NR2F1-AS1: variants seen among roughly 807,000 people sequenced by gnomAD.
The protein encoded by NR2F1-AS1 is NR2F1 antisense RNA 1.
chr5:93,428,427 T>C (rs1197142148), intron 4 of NR2F1-AS1, among the ~76,000 whole-genome samples: 1 of 152,216 alleles, frequency 6.6e-6, no homozygotes, highest in Non-Finnish European at 1.5e-5. Flanking sequence ...CAGATGCTAA[T>C]TACAGTGCCA....
chr5:93,565,564 T>C (rs1162795174), intron 1 of NR2F1-AS1, among the ~76,000 whole-genome samples: 1 of 152,096 alleles, frequency 6.6e-6, no homozygotes, highest in Non-Finnish European at 1.5e-5. Flanking sequence ...ATTGTACTGT[T>C]AATATTTTAT....
intron 4 of NR2F1-AS1, among the ~76,000 whole-genome samples, chr5:93,480,334 C>T (rs1750575242): frequency 6.6e-6 from 1 of 151,934 alleles, no homozygotes; most frequent in Non-Finnish European, 1.5e-5. Context: ...TTATGAGAAA[C>T]TATGGAGGTC....
chr5:93,442,961 A>G (rs1398226412), intron 4 of NR2F1-AS1, among the ~76,000 whole-genome samples: 2 of 152,250 alleles, frequency 1.3e-5, no homozygotes, highest in African/African-American at 4.8e-5. Flanking sequence ...AAACTCCAAC[A>G]GACCTGCAGC....
chr5:93,479,050 T>C (rs1750547232), intron 4 of NR2F1-AS1, among the ~76,000 whole-genome samples: 1 of 152,160 alleles, frequency 6.6e-6, no homozygotes, highest in Non-Finnish European at 1.5e-5. Context: ...ACATTTGCAG[T>C]GTCTAGAGGA....
chr5:93,464,691 G>A (rs776563508), intron 4 of NR2F1-AS1, among the ~76,000 whole-genome samples: 3 of 152,136 alleles, frequency 2.0e-5, no homozygotes, highest in Non-Finnish European at 2.9e-5. Flanking sequence ...CTGAGCTTCA[G>A]GTTTTTTTCT....
chr5:93,475,839 C>T (rs1229836646), intron 4 of NR2F1-AS1, among the ~76,000 whole-genome samples: 1 of 152,130 alleles, frequency 6.6e-6, no homozygotes, highest in Non-Finnish European at 1.5e-5. Flanking sequence ...GTACTTCATG[C>T]CAGTAACTAA....
At chr5:93,526,399 C>T (rs754710924) in intron 4 of NR2F1-AS1, among the ~76,000 whole-genome samples, 28 of 152,126 alleles carry the variant, frequency 1.8e-4, no homozygotes, top group Non-Finnish European at 3.1e-4. Flanking sequence ...GATTCACAGA[C>T]GAATTCTAGC....
chr5:93,475,018 G>A (rs1463143249), intron 4 of NR2F1-AS1, among the ~76,000 whole-genome samples: 1 of 152,044 alleles, frequency 6.6e-6, no homozygotes, highest in African/African-American at 2.4e-5. Flanking sequence ...CAGCTGCTGG[G>A]GAGGCTGAGG....
chr5:93,559,830 A>G (rs1752445902), intron 2 of NR2F1-AS1, among the ~76,000 whole-genome samples: 1 of 152,234 alleles, frequency 6.6e-6, no homozygotes, highest in Non-Finnish European at 1.5e-5. Context: ...CATTACTAAT[A>G]TCGAAGATCA....
In NR2F1-AS1 at chr5:93,506,205, T is replaced by C. The variant is rs1273617072; in HGVS notation, n.638+47556A>G. ...GTAACAAGAGTCACCTTTGCTCCAGTTCCCAACAAGTACCTCATCTCCATC... is the reference window on the plus strand; with the variant it reads ...GTAACAAGAGTCACCTTTGCTCCAGCTCCCAACAAGTACCTCATCTCCATC... On this transcript the variant is annotated intron_variant and non_coding_transcript_variant, in intron 4 of 5. Coordinates refer to ENST00000660523, the Ensembl canonical transcript of NR2F1-AS1. 2.0e-5 allele frequency among the ~76,000 whole-genome samples: 3 copies of C among 152,312 alleles called. No homozygotes were observed. In the East Asian group the frequency reaches 5.8e-4, roughly 29 times the overall value.
intron 4 of NR2F1-AS1, among the ~76,000 whole-genome samples, chr5:93,539,653 A>C (rs1751909552): frequency 6.6e-6 from 1 of 152,266 alleles, no homozygotes; most frequent in Non-Finnish European, 1.5e-5. Flanking sequence ...ATGGGTGCAA[A>C]GTTACAATTA....
intron 4 of NR2F1-AS1, among the ~76,000 whole-genome samples, chr5:93,482,509 A>G (rs1750621797): frequency 6.6e-6 from 1 of 152,066 alleles, no homozygotes; most frequent in Non-Finnish European, 1.5e-5. Flanking sequence ...GATTTCAAGC[A>G]CAAAACTGGG....
intron 2 of NR2F1-AS1, among the ~76,000 whole-genome samples, chr5:93,563,195 A>G (rs1162861047): frequency 6.6e-6 from 1 of 152,252 alleles, no homozygotes; most frequent in Non-Finnish European, 1.5e-5. Context: ...AATTTACCAC[A>G]TTCTGTGTTA....
chr5:93,437,514 T>G (rs774225281), intron 4 of NR2F1-AS1, among the ~76,000 whole-genome samples: 28 of 152,292 alleles, frequency 1.8e-4, no homozygotes, highest in Non-Finnish European at 3.1e-4. Context: ...TGGTCTGGAC[T>G]AAAAGCAGGC....
intron 4 of NR2F1-AS1, among the ~76,000 whole-genome samples, chr5:93,545,652 T>C (rs1471616907): frequency 6.6e-6 from 1 of 152,218 alleles, no homozygotes. Flanking sequence ...TTTACTGCTG[T>C]GCATTTCTTT....
At position 93,413,830 on chromosome 5, in the gene NR2F1-AS1, A is replaced by C. The variant is rs540689976; in HGVS notation, n.639-18288T>G. 2.0e-5 allele frequency among the ~76,000 whole-genome samples: 3 copies of C among 152,324 alleles called. No individual in the cohort carries two copies. In the South Asian group the frequency reaches 6.2e-4, roughly 32 times the overall value. On this transcript the variant is annotated intron_variant and non_coding_transcript_variant, in intron 4 of 5. Transcript: ENST00000660523. ...AAGTTCTGGGTCAGTGTTATTTATG[A>C]TTCATGTATTGAGTACATCCCTCAT...
chr5:93,564,190 C>T (rs2149922123), intron 1 of NR2F1-AS1, among the ~76,000 whole-genome samples: 1 of 133,282 alleles, frequency 7.5e-6, no homozygotes. Flanking sequence ...ACAGACAAAG[C>T]TACTATTAGC....
At chr5:93,428,325 A>T (rs1305266355) in intron 4 of NR2F1-AS1, among the ~76,000 whole-genome samples, 1 of 152,224 alleles carries the variant, frequency 6.6e-6, no homozygotes, top group African/African-American at 2.4e-5. Context: ...ATTTCATTAG[A>T]CACCAATATT....
At chr5:93,520,407 A>T (rs1021999113) in intron 4 of NR2F1-AS1, among the ~76,000 whole-genome samples, 1 of 152,132 alleles carries the variant, frequency 6.6e-6, no homozygotes, top group African/African-American at 2.4e-5. Flanking sequence ...TCAAAGAAAC[A>T]TTCCTTTAAA....
Sources: gnomAD v4.1 joint callset for allele counts (sites outside exome capture counted in the v4.1 genomes callset) on GRCh38, gnomAD v4.1.1 for gene constraint, MANE v1.5 for transcripts, NCBI Gene and HGNC (gene_info 2026-07-23, HGNC 2026-07-21) for gene names.